Variants in SLC12A1 observed in about 807,000 individuals in gnomAD.
SLC12A1 encodes the protein solute carrier family 12 member 1, also known as Na-K-2Cl cotransporter.
A neutral mutation model predicts 130.4 loss-of-function variants in SLC12A1; 89 were observed. That is an observed-to-expected ratio of 0.68 (90% CI 0.58 to 0.81). The LOEUF is 0.81. Among genes scored for constraint, SLC12A1 ranks in the 40% least tolerant of loss-of-function variants. The pLI is 0.00. For missense variants in SLC12A1, 1,310 were observed against 1,336.4 expected (o/e 0.98, Z 0.31); for synonymous variants, 499 against 460.0 (o/e 1.08, Z -1.09).
rs116021647 is a variant in SLC12A1 at position 48,289,522 on chromosome 15, A to G, written c.2873+1006A>G. On this transcript the variant is annotated intron_variant, in intron 23 of 26. Coordinates refer to ENST00000380993, the MANE Select transcript of SLC12A1 (RefSeq NM_000338.3). ...CACAGTTATACACTGCTACATTGTT[A>G]CATTCTGAGAAATGTATCAGGCAAT... Among the ~76,000 whole-genome samples, 866 of 151,220 alleles carry G rather than the reference A, an allele frequency of 5.7e-3. 9 individuals carry two copies. Among genetic ancestry groups the G allele is most frequent in the African/African-American group, 0.02 (837 of 41,070 alleles).
At chr15:48,208,678 T>C (rs902251230) in intron 2 of SLC12A1, among the ~76,000 whole-genome samples, 12 of 152,234 alleles carry the variant, frequency 7.9e-5, no homozygotes, top group Non-Finnish European at 1.5e-4. Flanking sequence ...GGCAATATGT[T>C]GTACCTTGTA....
At chr15:48,218,177 C>T (rs1276736182) in intron 2 of SLC12A1, among the ~76,000 whole-genome samples, 1 of 152,024 alleles carries the variant, frequency 6.6e-6, no homozygotes, top group African/African-American at 2.4e-5. Context: ...AAAAAGTAAC[C>T]CACAATTTAG....
Position 48,267,560 on chromosome 15 carries a change from G to A in SLC12A1, c.2155-1G>A, listed in dbSNP as rs1486622300. The A allele has an allele frequency of 6.2e-7, 1 of 1,613,168 alleles. No homozygotes were observed. The highest frequency in any genetic ancestry group is 8.5e-7 in the Non-Finnish European group (1 of 1,179,440). On this transcript the variant is annotated splice_acceptor_variant, in intron 17 of 26. Coordinates refer to ENST00000380993, the MANE Select transcript of SLC12A1 (RefSeq NM_000338.3). LOFTEE classifies it high-confidence loss of function. ...AACCAATATTTCATTGTGTCACACA[G>A]GGACCGCGCAAACTGTGTGTTAAGG...
At chr15:48,290,891 T>A (rs1033098406) in intron 23 of SLC12A1, among the ~76,000 whole-genome samples, 2 of 152,166 alleles carry the variant, frequency 1.3e-5, no homozygotes, top group African/African-American at 4.8e-5. Context: ...TTAGTATAAT[T>A]TGAAAATGTT....
At chr15:48,224,817 C>A (rs1457400463) in intron 4 of SLC12A1, 1 of 152,156 alleles carries the variant, frequency 6.6e-6, no homozygotes, top group East Asian at 1.9e-4. Flanking sequence ...TATTCTGATA[C>A]CCTTTTGTAG....
rs1487620967 is a variant in SLC12A1, at chr15:48,291,873, T to C, written c.2960+9T>C. 7 of 1,503,732 alleles carry C rather than the reference T, an allele frequency of 4.7e-6. No individual in the cohort carries two copies. Among genetic ancestry groups the C allele is most frequent in the African/African-American group, 1.4e-5 (1 of 72,606 alleles). 93.1% of individuals were successfully genotyped at this position (1,503,732 alleles called of 1,614,324 possible). ...AGGCCAAACAAAGAGAGGTATGAAA[T>C]ATTTAACAAGAGACATTGATTACCC... On this transcript the variant is annotated intron_variant, in intron 24 of 26. Transcript: ENST00000380993.
intron 9 of SLC12A1, chr15:48,235,370 G>T: frequency 1.1e-5 from 3 of 281,162 alleles, no homozygotes; most frequent in Admixed American, 4.9e-5. Flanking sequence ...ACAAAACAAA[G>T]GAAAATAATC....
At chr15:48,264,239 C>T (rs939362919) in intron 17 of SLC12A1, among the ~76,000 whole-genome samples, 6 of 152,076 alleles carry the variant, frequency 3.9e-5, no homozygotes, top group African/African-American at 9.7e-5. Flanking sequence ...GGACTTTGAC[C>T]GGCTCTTAGA....
At chr15:48,235,904 C>T (rs1007253094) in intron 9 of SLC12A1, among the ~76,000 whole-genome samples, 5 of 152,096 alleles carry the variant, frequency 3.3e-5, no homozygotes, top group African/African-American at 9.7e-5. Flanking sequence ...ATTCCTAGAA[C>T]TTGCATGTAT....
intron 2 of SLC12A1, among the ~76,000 whole-genome samples, chr15:48,208,805 G>T (rs1682367589): frequency 6.6e-6 from 1 of 152,158 alleles, no homozygotes; most frequent in Non-Finnish European, 1.5e-5. Flanking sequence ...AAACACTTGT[G>T]CTTGCTGTAG....
At chr15:48,299,887 G>C (rs2042214643) in intron 25 of SLC12A1, among the ~76,000 whole-genome samples, 1 of 152,152 alleles carries the variant, frequency 6.6e-6, no homozygotes. Flanking sequence ...CAACAACTAA[G>C]TAGAAGAATT....
rs370265198 is a variant in SLC12A1 at position 48,251,574 on chromosome 15, T to C, written c.1787-41T>C. On this transcript the variant is annotated intron_variant, in intron 14 of 26. Transcript: ENST00000380993. ...CTTCTAATATTCAGTGCCATGATCA[T>C]AGTAGAGTGGAAGTTTTCCTTCTGC... 1.1e-5 allele frequency: 17 copies of C among 1,528,716 alleles called. No homozygotes were observed. In the African/African-American group the frequency reaches 1.8e-4, roughly 16 times the overall value. The allele number at this position is 1,528,716 out of a possible 1,614,324, so 94.7% of individuals were successfully genotyped here.
In SLC12A1 at chr15:48,267,696, C is replaced by A; in HGVS notation, c.2290C>A (p.Leu764Ile). The change falls in exon 18 of 27, where the codon CTT becomes ATT. Residue 764 changes from leucine to isoleucine, a missense_variant. Coordinates refer to ENST00000380993, the MANE Select transcript of SLC12A1 (RefSeq NM_000338.3). ...TTTCAGGGATGGTGTCCGAAGTCTT[C>A]TTCAGGTAAGGCTGCATTGAGGGAA... The part of the protein sequence containing the change: ...DCFRDGVRSL[L>I]QASGLGRMKP... The A allele has an allele frequency of 6.2e-7, 1 of 1,613,244 alleles. No homozygotes were observed. Among genetic ancestry groups the A allele is most frequent in the Non-Finnish European group, 8.5e-7 (1 of 1,179,350 alleles).
chr15:48,225,015 T>C (rs1247556853), intron 4 of SLC12A1: 1 of 152,192 alleles, frequency 6.6e-6, no homozygotes, highest in Non-Finnish European at 1.5e-5. Context: ...GCTGGATATA[T>C]AGTAGGTTTT....
chr15:48,268,960 T>C (rs1352813074), intron 18 of SLC12A1, among the ~76,000 whole-genome samples: 1 of 152,176 alleles, frequency 6.6e-6, no homozygotes, highest in Non-Finnish European at 1.5e-5. Flanking sequence ...AATTTGAACA[T>C]GCATACATTC....
intron 8 of SLC12A1, among the ~76,000 whole-genome samples, chr15:48,234,613 G>T (rs190099260): frequency 6.6e-6 from 1 of 151,842 alleles, no homozygotes; most frequent in Non-Finnish European, 1.5e-5. Context: ...GTGTGGTGGC[G>T]GGCGCCTGTA....
chr15:48,237,088 C>T, intron 9 of SLC12A1: 1 of 694,930 alleles, frequency 1.4e-6, no homozygotes, highest in Non-Finnish European at 2.6e-6. Context: ...AGAGTAGAAT[C>T]AAGTGCAAAG....
chr15:48,294,186 T>C (rs1416123952), intron 24 of SLC12A1, among the ~76,000 whole-genome samples: 1 of 151,570 alleles, frequency 6.6e-6, no homozygotes, highest in Non-Finnish European at 1.5e-5. Context: ...CCGTCTCTAC[T>C]AAAAATTCAA....
At chr15:48,240,010 C>CATATATATATATATATATCCATAT (rs1259136658) in intron 9 of SLC12A1, among the ~76,000 whole-genome samples, 3 of 96,622 alleles carry the variant, frequency 3.1e-5, no homozygotes, top group African/African-American at 9.9e-5. Context: ...ATCTGTTATC[C>CATATATATATATATATATCCATAT]ATATATATAT....
Sources: allele counts gnomAD v4.1 joint callset (sites outside exome capture counted in the v4.1 genomes callset), GRCh38; gene constraint gnomAD v4.1.1; transcripts MANE v1.5; gene names NCBI Gene and HGNC (gene_info 2026-07-23, HGNC 2026-07-21).